The following RIC3 variants were observed in gnomAD, a reference collection of about 807,000 sequenced individuals.
The protein encoded by RIC3 is RIC3 acetylcholine receptor chaperone, also known as protein RIC-3.
RIC3 carries 28 observed loss-of-function variants against 27.3 expected under a neutral mutation model. The ratio of observed to expected loss-of-function variants is 1.02; its 90% CI spans 0.76 to 1.41. The LOEUF (loss-of-function observed/expected upper bound fraction) is 1.41, where lower values mean the gene tolerates loss of function less well. Ranked by LOEUF, RIC3 falls within the 40% of genes most tolerant of loss-of-function variation. The pLI, the probability that RIC3 is intolerant of heterozygous loss-of-function variation, is 0.00. For missense variants in RIC3, 501 were observed against 444.7 expected (o/e 1.13, Z -1.14); for synonymous variants, 184 against 160.4 (o/e 1.15, Z -1.11).
the RIC3 span, among the ~76,000 whole-genome samples, chr11:8,099,557 A>G: frequency 6.6e-6 from 1 of 152,224 alleles, no homozygotes; most frequent in African/African-American, 2.4e-5. Context: ...CCAACTAAGC[A>G]TATTGTTTGA....
At chr11:8,094,482 C>G in the RIC3 span, among the ~76,000 whole-genome samples, 1 of 152,194 alleles carries the variant, frequency 6.6e-6, no homozygotes, top group Non-Finnish European at 1.5e-5. Context: ...CCTGAGCACC[C>G]TTTATCATGA....
chr11:8,163,018 A>AACACACACACACACAC (rs59248468), intron 1 of RIC3, among the ~76,000 whole-genome samples: 2,364 of 135,936 alleles, frequency 0.017, 33 homozygotes, highest in Middle Eastern at 0.057. Context: ...GGATTATTTA[A>AACACACACACACACAC]ACACACACAC....
chr11:8,136,309 C>A (rs1244908467), intron 4 of RIC3, among the ~76,000 whole-genome samples: 1 of 152,186 alleles, frequency 6.6e-6, no homozygotes, highest in Non-Finnish European at 1.5e-5. Context: ...GCAACGATTT[C>A]CTGGGGCAAA....
chr11:8,104,771 A>C (rs993451544), downstream of RIC3: 2 of 152,132 alleles, frequency 1.3e-5, no homozygotes, highest in African/African-American at 2.4e-5. Flanking sequence ...GTGCCTTAAA[A>C]ATCAAGACAC....
At chr11:8,135,524 T>A (rs1269276076) in intron 4 of RIC3, 2 of 152,216 alleles carry the variant, frequency 1.3e-5, no homozygotes, top group Non-Finnish European at 2.9e-5. Context: ...GTGAAGAAAG[T>A]CATTGGTAGC....
chr11:8,111,407 C>T (rs970346138), intron 5 of RIC3, among the ~76,000 whole-genome samples: 1 of 152,082 alleles, frequency 6.6e-6, no homozygotes, highest in Non-Finnish European at 1.5e-5. Flanking sequence ...AGTCTTATAC[C>T]ATGTGTTTTT....
chr11:8,129,746 A>G, intron 4 of RIC3, among the ~76,000 whole-genome samples: 1 of 152,194 alleles, frequency 6.6e-6, no homozygotes, highest in East Asian at 1.9e-4. Context: ...TCAGACCAGT[A>G]AAAGATTTCA....
chr11:8,101,855 T>C (rs1356063968), downstream of RIC3: 12 of 475,622 alleles, frequency 2.5e-5, no homozygotes, highest in South Asian at 1.8e-4. Flanking sequence ...ATTCTTTCCA[T>C]GCCACGAGAT....
chr11:8,168,927 C>T lies in RIC3; in HGVS notation c.63G>A (p.Leu21=). 1 of 1,611,698 alleles carries T rather than the reference C, an allele frequency of 6.2e-7. No homozygotes were observed. Among genetic ancestry groups the T allele is most frequent in the Non-Finnish European group, 8.5e-7 (1 of 1,178,912 alleles). Residue 21 remains leucine, a synonymous_variant, in exon 1 of 6, where the codon CTG becomes CTA. Transcript: ENST00000309737. The part of the protein sequence containing the change: ...LASGLVLALS[L]LLPKAFLSRG... ...GGGACAGGAAGGCCTTGGGCAGCAG[C>T]AGCGACAGAGCCAGGACAAGCCCAG... is the stretch of plus-strand genomic sequence containing the variant.
chr11:8,094,591 G>A, the RIC3 span, among the ~76,000 whole-genome samples: 1 of 152,152 alleles, frequency 6.6e-6, no homozygotes, highest in East Asian at 1.9e-4. Flanking sequence ...TGCAGCCCTC[G>A]CCGTCAGCTC....
downstream of RIC3, chr11:8,103,722 A>C (rs955291667): frequency 2.6e-5 from 4 of 152,536 alleles, no homozygotes; most frequent in Non-Finnish European, 5.9e-5. Flanking sequence ...AGGAGAAGAG[A>C]TCTTCATGGT....
At chr11:8,120,626 T>C (rs535213138) in intron 5 of RIC3, among the ~76,000 whole-genome samples, 47 of 151,904 alleles carry the variant, frequency 3.1e-4, no homozygotes, top group Non-Finnish European at 6.3e-4. Flanking sequence ...TGTATACCTA[T>C]GTAACAAACC....
intron 1 of RIC3, among the ~76,000 whole-genome samples, chr11:8,167,050 A>C (rs1951755373): frequency 6.6e-6 from 1 of 152,188 alleles, no homozygotes; most frequent in African/African-American, 2.4e-5. Flanking sequence ...CAGTTACTGG[A>C]ATGTACCATT....
At chr11:8,141,575 A>G (rs1949075893) in intron 1 of RIC3, among the ~76,000 whole-genome samples, 1 of 150,810 alleles carries the variant, frequency 6.6e-6, no homozygotes, top group African/African-American at 2.4e-5. Flanking sequence ...ACACATTAAT[A>G]ATGGGAGACT....
chr11:8,093,413 G>A, the RIC3 span, among the ~76,000 whole-genome samples: 1 of 152,168 alleles, frequency 6.6e-6, no homozygotes, highest in Non-Finnish European at 1.5e-5. Flanking sequence ...GAGAATGTTG[G>A]TCTTCAGCTT....
intron 1 of RIC3, among the ~76,000 whole-genome samples, chr11:8,146,526 G>T (rs909853763): frequency 2.0e-5 from 3 of 152,160 alleles, no homozygotes; most frequent in Non-Finnish European, 4.4e-5. Flanking sequence ...TGTCGATGAA[G>T]AGTCAAACTA....
chr11:8,167,612 G>T (rs1951815124), intron 1 of RIC3, among the ~76,000 whole-genome samples: 1 of 139,364 alleles, frequency 7.2e-6, no homozygotes, highest in African/African-American at 2.7e-5. Context: ...AATAGTACTT[G>T]TTCAAGATAA....
In RIC3 at chr11:8,140,077, C is replaced by T; in HGVS notation, c.241G>A (p.Gly81Arg). ...CCTCCTCCAGCACCTCCACCTGATC[C>T]TTTGGCCTTTGCAAATGCCTCGGCA... is the stretch of plus-strand genomic sequence containing the variant. ...HLAEAFAKAK[G>R]SGGGAGGGGS... The change falls in exon 2 of 6, where the codon GGA becomes AGA. Residue 81 changes from glycine (G) to arginine (R), a missense_variant. By Grantham distance (125) the Gly-to-Arg change is moderately radical. Transcript: ENST00000309737. The T allele has an allele frequency of 6.2e-7, 1 of 1,614,132 alleles. No homozygotes were observed. The highest frequency in any genetic ancestry group is 2.2e-5 in the East Asian group (1 of 44,866).
At chr11:8,097,312 C>T in the RIC3 span, 1 of 1,614,158 alleles carries the variant, frequency 6.2e-7, no homozygotes, top group Admixed American at 1.7e-5. Context: ...TGCACTGAGG[C>T]CGGCCCCCCA....
Sources: allele counts gnomAD v4.1 joint callset (sites outside exome capture counted in the v4.1 genomes callset), GRCh38; gene constraint gnomAD v4.1.1; transcripts MANE v1.5; gene names NCBI Gene and HGNC (gene_info 2026-07-23, HGNC 2026-07-21).